Variants in KIRREL3 observed in about 807,000 individuals in gnomAD.
KIRREL3 encodes the protein kirre like nephrin family adhesion molecule 3, also known as kin of IRRE-like protein 3.
KIRREL3 carries 36 observed loss-of-function variants against 89.7 expected under a neutral mutation model. The ratio of observed to expected loss-of-function variants is 0.40; its 90% CI spans 0.31 to 0.53. The LOEUF is 0.53. KIRREL3 is among the 20% of genes least tolerant of loss of function. The pLI, the probability that KIRREL3 is intolerant of heterozygous loss-of-function variation, is 0.49. For synonymous variants in KIRREL3, 445 were observed against 441.4 expected, an observed-to-expected ratio of 1.01 and a Z score of -0.10; for missense variants, 864 against 1,056.6, an observed-to-expected ratio of 0.82 and a Z score of 2.53.
intron 1 of KIRREL3, among the ~76,000 whole-genome samples, chr11:126,848,509 C>T (rs1383997154): frequency 6.6e-6 from 1 of 152,128 alleles, no homozygotes; most frequent in Non-Finnish European, 1.5e-5. Flanking sequence ...TCAGAAGAAA[C>T]AAGAGGTCTG....
intron 1 of KIRREL3, among the ~76,000 whole-genome samples, chr11:126,855,882 G>A (rs183633337): frequency 6.6e-6 from 1 of 152,204 alleles, no homozygotes; most frequent in East Asian, 1.9e-4. Flanking sequence ...GGTCTAGGCT[G>A]TGGGCAGGCA....
At chr11:126,660,943 G>A (rs1304210524) in intron 1 of KIRREL3, among the ~76,000 whole-genome samples, 3 of 152,130 alleles carry the variant, frequency 2.0e-5, no homozygotes, top group Non-Finnish European at 4.4e-5. Context: ...AGGCCAATGG[G>A]GAGATCATCT....
At chr11:126,921,747 T>TTCTA (rs201000548) in intron 1 of KIRREL3, among the ~76,000 whole-genome samples, 4,872 of 134,942 alleles carry the variant, frequency 0.036, 87 homozygotes, top group Middle Eastern at 0.046. Flanking sequence ...TATATCTGTC[T>TTCTA]TCTATCTATC....
At chr11:126,922,438 T>A (rs1328474470) in intron 1 of KIRREL3, among the ~76,000 whole-genome samples, 1 of 152,098 alleles carries the variant, frequency 6.6e-6, no homozygotes, top group African/African-American at 2.4e-5. Context: ...AGATAAGTAT[T>A]TCCTCCATGT....
At position 126,576,860 on chromosome 11, in the gene KIRREL3, C is replaced by T. The variant is rs1941280579; in HGVS notation, c.56-13948G>A. Reference sequence around the variant, plus strand: ...GCAGAAGGAAGGACAAGAGATGAGCCTTTACTGAGATGCTGCTATCTGCTG... The same window carrying T: ...GCAGAAGGAAGGACAAGAGATGAGCTTTTACTGAGATGCTGCTATCTGCTG... On this transcript the variant is annotated intron_variant, in intron 1 of 16. Transcript: ENST00000525144. The surrounding 1 kb of genome is among the most constrained non-coding windows in gnomAD (Gnocchi z 5.4). Among the ~76,000 whole-genome samples the T allele has an allele frequency of 6.6e-6, 1 of 152,210 alleles. No homozygotes were observed. Among genetic ancestry groups the T allele is most frequent in the Admixed American group, 6.5e-5 (1 of 15,276 alleles).
In KIRREL3 at chr11:126,561,393, C is replaced by T. The variant is rs1444385525; in HGVS notation, c.133+1442G>A. Among the ~76,000 whole-genome samples the T allele has an allele frequency of 2.0e-5, 3 of 152,234 alleles. No individual in the cohort carries two copies. The highest frequency in any genetic ancestry group is 4.8e-5 in the African/African-American group (2 of 41,460). ...TATGGGTTTCAATTCCAGCCCAGCT[C>T]CTGACTTTTTGGCTTCCCCAATCCC... On this transcript the variant is annotated intron_variant, in intron 2 of 16. Transcript: ENST00000525144. This position sits in a 1 kb window ranked among gnomAD's most constrained non-coding sequence, Gnocchi z 4.5.
chr11:126,583,689 T>C (rs910731813), intron 1 of KIRREL3, among the ~76,000 whole-genome samples: 8 of 152,208 alleles, frequency 5.3e-5, no homozygotes, highest in Non-Finnish European at 1.0e-4. Flanking sequence ...TGATCCCATC[T>C]ACCTCGAGGA....
At position 126,564,837 on chromosome 11, in the gene KIRREL3, T is replaced by C. The variant is rs995183389; in HGVS notation, c.56-1925A>G. Reference sequence around the variant, plus strand: ...GGAGGTGCTGAGCTCCCTGGAACAATAGCCTCTCGAGGGAGACTGTATTGA... The same window carrying C: ...GGAGGTGCTGAGCTCCCTGGAACAACAGCCTCTCGAGGGAGACTGTATTGA... On this transcript the variant is annotated intron_variant, in intron 1 of 16. Transcript: ENST00000525144. The surrounding 1 kb of genome is among the most constrained non-coding windows in gnomAD (Gnocchi z 7.4). Among the ~76,000 whole-genome samples, 10 of 152,152 alleles carry C rather than the reference T, an allele frequency of 6.6e-5. No homozygotes were observed. The highest frequency in any genetic ancestry group is 1.3e-4 in the Non-Finnish European group (9 of 68,008).
At chr11:126,720,864 G>A (rs1948143568) in intron 1 of KIRREL3, among the ~76,000 whole-genome samples, 1 of 152,190 alleles carries the variant, frequency 6.6e-6, no homozygotes, top group Admixed American at 6.5e-5. Flanking sequence ...CTGGAGGAGA[G>A]GAGTGTCCAG....
At position 126,557,104 on chromosome 11, in the gene KIRREL3, C is replaced by T. The variant is rs139036150; in HGVS notation, c.133+5731G>A. Among the ~76,000 whole-genome samples, 13 of 152,294 alleles carry T rather than the reference C, an allele frequency of 8.5e-5. No homozygotes were observed. Among genetic ancestry groups the T allele is most frequent in the Non-Finnish European group, 1.6e-4 (11 of 68,012 alleles). ...GCTGCAACAGAGTGAGAAGTGCTGC[C>T]GGTAGCAGGGAGGCCTGCTCATCCC... On this transcript the variant is annotated intron_variant, in intron 2 of 16. Coordinates refer to ENST00000525144, the MANE Select transcript of KIRREL3 (RefSeq NM_032531.4). The surrounding 1 kb of genome is among the most constrained non-coding windows in gnomAD (Gnocchi z 5.6).
chr11:126,555,617 C>T lies in KIRREL3; in HGVS notation c.133+7218G>A, dbSNP rs1939646004. 6.6e-6 allele frequency among the ~76,000 whole-genome samples: 1 copy of T among 152,146 alleles called. No individual in the cohort carries two copies. The highest frequency in any genetic ancestry group is 2.4e-5 in the African/African-American group (1 of 41,432). On this transcript the variant is annotated intron_variant, in intron 2 of 16. Transcript: ENST00000525144. The surrounding 1 kb of genome is among the most constrained non-coding windows in gnomAD (Gnocchi z 4.2). ...AGACACAGGCCCTATGACAGGGGCC[C>T]TGCTTGAGGAGCAGCAGGAAGGCCC...
chr11:126,670,892 T>C (rs989797625), intron 1 of KIRREL3, among the ~76,000 whole-genome samples: 4 of 152,242 alleles, frequency 2.6e-5, no homozygotes, highest in East Asian at 3.9e-4. Context: ...AAGAAATAAG[T>C]TGGAGGACTC....
At chr11:126,461,221 C>T (rs1001500284) in intron 6 of KIRREL3, among the ~76,000 whole-genome samples, 3 of 152,246 alleles carry the variant, frequency 2.0e-5, no homozygotes, top group South Asian at 2.1e-4. Flanking sequence ...CATGGCTTTG[C>T]GGCATCTCAC....
intron 1 of KIRREL3, among the ~76,000 whole-genome samples, chr11:126,959,498 A>T (rs1949021076): frequency 6.6e-6 from 1 of 152,168 alleles, no homozygotes; most frequent in African/African-American, 2.4e-5. Flanking sequence ...TCTGCATGCT[A>T]TACTTGAATA....
At position 126,860,730 on chromosome 11, in the gene KIRREL3, G is replaced by T. The variant is rs1944676634; in HGVS notation, c.55+139725C>A. On this transcript the variant is annotated intron_variant, in intron 1 of 16. Coordinates refer to ENST00000525144, the MANE Select transcript of KIRREL3 (RefSeq NM_032531.4). The surrounding 1 kb of genome is among the most constrained non-coding windows in gnomAD (Gnocchi z 4.6). ...ACCACAGGGTGGAGAATGGGTGGCA[G>T]GCCAGTGAGGAGGCTCCTGCCCTGG... Among the ~76,000 whole-genome samples the T allele has an allele frequency of 6.6e-6, 1 of 152,214 alleles. No homozygotes were observed. Among genetic ancestry groups the T allele is most frequent in the South Asian group, 2.1e-4 (1 of 4,832 alleles).
rs540199222 is a variant in KIRREL3, at chr11:126,678,453, A to T, written c.56-115541T>A. On this transcript the variant is annotated intron_variant, in intron 1 of 16. Transcript: ENST00000525144. ...GTCTCTACTAAAAATACAAAAAATT[A>T]GCCAGGCATGGTGGCAGGCGCCTGT... is the stretch of plus-strand genomic sequence containing the variant. Among the ~76,000 whole-genome samples, 24 of 152,112 alleles carry T rather than the reference A, an allele frequency of 1.6e-4. No homozygotes were observed. The East Asian group carries it at 4.7e-3, about 30-fold the overall frequency.
intron 1 of KIRREL3, among the ~76,000 whole-genome samples, chr11:126,922,230 T>C (rs1242104107): frequency 1.3e-5 from 2 of 152,024 alleles, no homozygotes; most frequent in Non-Finnish European, 2.9e-5. Flanking sequence ...CCTAACCTGC[T>C]TGTCATGTAT....
rs1949352694 is a variant in KIRREL3, at chr11:126,752,059, G to A, written c.56-189147C>T. 2.6e-5 allele frequency among the ~76,000 whole-genome samples: 4 copies of A among 152,290 alleles called. No homozygotes were observed. The highest frequency in any genetic ancestry group is 6.5e-5 in the Admixed American group (1 of 15,298). ...GGCTTCAAATTCCAGCTCTGCCTTG[G>A]TGTGTGACTTCAACTGAGTTGCTTC... On this transcript the variant is annotated intron_variant, in intron 1 of 16. Coordinates refer to ENST00000525144, the MANE Select transcript of KIRREL3 (RefSeq NM_032531.4). The surrounding 1 kb of genome is among the most constrained non-coding windows in gnomAD (Gnocchi z 4.8).
rs73029296 is a variant in KIRREL3, at chr11:126,441,460, C to G, written c.1253-911G>C. Among the ~76,000 whole-genome samples, 11,460 of 152,268 alleles carry G rather than the reference C, an allele frequency of 0.075. 662 individuals carry two copies. The highest frequency in any genetic ancestry group is 0.29 in the East Asian group (1,489 of 5,160). Reference sequence around the variant, plus strand: ...CCGTGAAAGACAAAAGAAGGAGCAGCTAGCTTAGCCTGGGCTCTGCTGGCT... The same window carrying G: ...CCGTGAAAGACAAAAGAAGGAGCAGGTAGCTTAGCCTGGGCTCTGCTGGCT... On this transcript the variant is annotated intron_variant, in intron 10 of 16. Coordinates refer to ENST00000525144, the MANE Select transcript of KIRREL3 (RefSeq NM_032531.4). The surrounding 1 kb of genome is among the most constrained non-coding windows in gnomAD (Gnocchi z 5.0).
Sources: allele counts gnomAD v4.1 joint callset (sites outside exome capture counted in the v4.1 genomes callset), GRCh38; gene constraint gnomAD v4.1.1; non-coding constraint Gnocchi (gnomAD v3.1); transcripts MANE v1.5; gene names NCBI Gene and HGNC (gene_info 2026-07-23, HGNC 2026-07-21).